Variants in RAB33B observed in about 807,000 individuals in gnomAD.
RAB33B encodes RAB33B, member RAS oncogene family.
In RAB33B, 6 loss-of-function variants were observed where a neutral mutation model predicts 15.0. The ratio of observed to expected loss-of-function variants is 0.40; its 90% CI spans 0.22 to 0.79. The LOEUF (loss-of-function observed/expected upper bound fraction) is 0.79. Ranked by LOEUF, RAB33B falls within the 30% of genes least tolerant of loss-of-function variation. RAB33B has a pLI of 0.37. For missense variants in RAB33B, 257 were observed against 296.4 expected (o/e 0.87, Z 0.98); for synonymous variants, 117 against 108.3 (o/e 1.08, Z -0.50).
chr4:139,443,900 C>G, the RAB33B span, among the ~76,000 whole-genome samples: 34 of 152,254 alleles, frequency 2.2e-4, no homozygotes, highest in African/African-American at 8.2e-4. Context: ...AGCTGCCAGG[C>G]AAGATAACGT....
intron 1 of RAB33B, among the ~76,000 whole-genome samples, chr4:139,466,732 C>T (rs1437803219): frequency 6.6e-6 from 1 of 151,924 alleles, no homozygotes; most frequent in Non-Finnish European, 1.5e-5. Context: ...GTGCATGCCA[C>T]CATGCCCTGC....
chr4:139,459,621 T>C (rs56398560), intron 1 of RAB33B, among the ~76,000 whole-genome samples: 55 of 96,470 alleles, frequency 5.7e-4, no homozygotes, highest in Non-Finnish European at 9.9e-4. Context: ...TTTCAGTGTC[T>C]AGTTCAGTTC....
At chr4:139,440,531 AG>A in the RAB33B span, among the ~76,000 whole-genome samples, 23 of 152,254 alleles carry the variant, frequency 1.5e-4, no homozygotes, top group African/African-American at 5.3e-4. Flanking sequence ...AAACCACTCT[AG>A]GAACATGTGC....
At chr4:139,461,869 A>T (rs1274953216) in intron 1 of RAB33B, among the ~76,000 whole-genome samples, 1 of 151,384 alleles carries the variant, frequency 6.6e-6, no homozygotes, top group African/African-American at 2.4e-5. Flanking sequence ...GTGCCACTGC[A>T]CTCCAGCCTG....
the RAB33B span, among the ~76,000 whole-genome samples, chr4:139,440,841 C>T: frequency 2.0e-5 from 3 of 152,198 alleles, no homozygotes; most frequent in Non-Finnish European, 2.9e-5. Flanking sequence ...GAACTCCTGA[C>T]CTCAGGTGAC....
intron 1 of RAB33B, among the ~76,000 whole-genome samples, chr4:139,471,793 C>T (rs576331132): frequency 1.3e-5 from 2 of 152,202 alleles, no homozygotes; most frequent in South Asian, 2.1e-4. Flanking sequence ...CTTTAGGTAT[C>T]GTATCTTAAG....
chr4:139,459,825 G>A (rs1210679606), intron 1 of RAB33B, among the ~76,000 whole-genome samples: 1 of 151,990 alleles, frequency 6.6e-6, no homozygotes, highest in Non-Finnish European at 1.5e-5. Context: ...GTAGAGACGG[G>A]GTTTCACCAT....
chr4:139,467,426 TAA>T (rs1750311455), intron 1 of RAB33B, among the ~76,000 whole-genome samples: 1 of 149,980 alleles, frequency 6.7e-6, no homozygotes. Flanking sequence ...TTTTAGTTTT[TAA>T]AAGTTTTTGT....
chr4:139,464,386 G>GTTTTTTTT (rs372330119), intron 1 of RAB33B, among the ~76,000 whole-genome samples: 12 of 101,780 alleles, frequency 1.2e-4, no homozygotes, highest in Non-Finnish European at 1.6e-4. Flanking sequence ...GAGGAATACT[G>GTTTTTTTT]TTTTTTTTTT....
chr4:139,449,097 G>A (rs1279371682), upstream of RAB33B: 1 of 150,464 alleles, frequency 6.6e-6, no homozygotes, highest in Non-Finnish European at 1.5e-5. Flanking sequence ...ACTGTCAAAA[G>A]CCATTACTCA....
chr4:139,462,257 G>C (rs1750188124), intron 1 of RAB33B, among the ~76,000 whole-genome samples: 1 of 151,974 alleles, frequency 6.6e-6, no homozygotes, highest in African/African-American at 2.4e-5. Flanking sequence ...GTTTCACTGT[G>C]TTAGCCAGGA....
Position 139,466,768 on chromosome 4 carries a change from CG to C in RAB33B, c.250-5914del, listed in dbSNP as rs1561006070. Among the ~76,000 whole-genome samples, 3 of 151,590 alleles carry C rather than the reference CG, an allele frequency of 2.0e-5. No individual in the cohort carries two copies. The South Asian group carries it at 6.2e-4, about 32-fold the overall frequency. On this transcript the variant is annotated intron_variant, in intron 1 of 1. Coordinates refer to ENST00000305626, the MANE Select transcript of RAB33B (RefSeq NM_031296.3). Reference sequence around the variant, plus strand: ...TAATTTTTTGTATCTTTGGTAGAGACGGGGTTTTGCCCTGTTGGCCAGGCTG... The same window carrying C: ...TAATTTTTTGTATCTTTGGTAGAGACGGGTTTTGCCCTGTTGGCCAGGCTG...
chr4:139,447,015 C>A, the RAB33B span, among the ~76,000 whole-genome samples: 5 of 152,194 alleles, frequency 3.3e-5, no homozygotes, highest in Non-Finnish European at 7.3e-5. Context: ...GTTTGCCTAT[C>A]CTGCATGCAA....
chr4:139,473,244 T>A lies in RAB33B; in HGVS notation c.*118T>A. ...TGGGTCATCTTGACACTTTGCTGTT[T>A]GTCATTGTCACGCTTTTGTATTTTG... On this transcript the variant is annotated 3_prime_UTR_variant, in exon 2 of 2. Transcript: ENST00000305626. The A allele has an allele frequency of 1.1e-6, 1 of 914,342 alleles. No individual in the cohort carries two copies. 56.6% of individuals were successfully genotyped at this position (914,342 alleles called of 1,614,324 possible).
At chr4:139,454,105 G>C (rs1579171458), upstream of RAB33B, 1 of 1,454,298 alleles carries the variant, frequency 6.9e-7, no homozygotes, top group African/African-American at 1.4e-5. Context: ...CAGCCGAACT[G>C]GCCGGCTGGG....
intron 1 of RAB33B, among the ~76,000 whole-genome samples, chr4:139,460,833 C>G (rs1211890818): frequency 1.3e-5 from 2 of 152,218 alleles, no homozygotes; most frequent in Admixed American, 1.3e-4. Context: ...TACATTTTCA[C>G]AGACCCAAGC....
chr4:139,464,899 T>G (rs1750252622), intron 1 of RAB33B, among the ~76,000 whole-genome samples: 1 of 152,224 alleles, frequency 6.6e-6, no homozygotes, highest in Non-Finnish European at 1.5e-5. Context: ...TTTGGGTATA[T>G]ACCCAGTAAT....
rs1369659815 is a variant in RAB33B, at chr4:139,473,288, A to G, written c.*162A>G. 1 of 668,284 alleles carries G rather than the reference A, an allele frequency of 1.5e-6. No homozygotes were observed. The highest frequency in any genetic ancestry group is 2.4e-6 in the Non-Finnish European group (1 of 418,202). 41.4% of individuals were successfully genotyped at this position (668,284 alleles called of 1,614,324 possible). ...TATTTTGTATCTACTTAAGTTTGTC[A>G]CTGTGACAACACAGGAAAAGTTGGT... On this transcript the variant is annotated 3_prime_UTR_variant, in exon 2 of 2. Coordinates refer to ENST00000305626, the MANE Select transcript of RAB33B (RefSeq NM_031296.3).
the RAB33B span, among the ~76,000 whole-genome samples, chr4:139,445,740 A>C: frequency 6.6e-6 from 1 of 152,164 alleles, no homozygotes; most frequent in African/African-American, 2.4e-5. Flanking sequence ...ACTGCTGTGC[A>C]AGCTGCTCTG....
Sources: gnomAD v4.1 joint callset for allele counts (sites outside exome capture counted in the v4.1 genomes callset) on GRCh38, gnomAD v4.1.1 for gene constraint, MANE v1.5 for transcripts, NCBI Gene and HGNC (gene_info 2026-07-23, HGNC 2026-07-21) for gene names.